Variants in SLC8A3 observed in about 807,000 individuals in gnomAD.
SLC8A3 encodes sodium/calcium exchanger 3.
Under a neutral mutation model 65.4 loss-of-function variants are expected in SLC8A3, and 37 were observed. That is an observed-to-expected ratio of 0.57 (90% CI 0.44 to 0.74). SLC8A3 has a LOEUF of 0.74. Ranked by LOEUF, SLC8A3 falls within the 30% of genes least tolerant of loss-of-function variation. The pLI is 0.00. For missense variants in SLC8A3, 1,112 were observed against 1,172.1 expected, an observed-to-expected ratio of 0.95 and a Z score of 0.75; for synonymous variants, 461 against 444.5, an observed-to-expected ratio of 1.04 and a Z score of -0.47.
chr14:70,117,771 T>C (rs1249883541), intron 2 of SLC8A3, among the ~76,000 whole-genome samples: 2 of 152,084 alleles, frequency 1.3e-5, no homozygotes, highest in Non-Finnish European at 2.9e-5. Flanking sequence ...CCACCTCCTT[T>C]AGGGAGCTCT....
chr14:70,092,253 C>G (rs1891851777), intron 2 of SLC8A3, among the ~76,000 whole-genome samples: 1 of 152,152 alleles, frequency 6.6e-6, no homozygotes, highest in Non-Finnish European at 1.5e-5. Context: ...TGCACTTCCT[C>G]CCTTGTATAC....
intron 2 of SLC8A3, among the ~76,000 whole-genome samples, chr14:70,165,264 C>G (rs568615896): frequency 6.6e-6 from 1 of 152,162 alleles, no homozygotes; most frequent in Non-Finnish European, 1.5e-5. Flanking sequence ...TGCAGGATCC[C>G]CCGGGTCACT....
rs1212875899 is a variant in SLC8A3, at chr14:70,159,415, A to G, written c.1784+7224T>C. On this transcript the variant is annotated intron_variant, in intron 2 of 6. Coordinates refer to ENST00000356921, the MANE Select transcript of SLC8A3 (RefSeq NM_182932.3). ...GCAACAGAGCAAGACTCTGTCAAAA[A>G]AAAAAAAAACAAAAAAAACCCAAAC... is the stretch of plus-strand genomic sequence containing the variant. Among the ~76,000 whole-genome samples, 763 of 151,420 alleles carry G rather than the reference A, an allele frequency of 5.0e-3. 7 individuals carry two copies. Among genetic ancestry groups the G allele is most frequent in the African/African-American group, 0.017 (719 of 41,104 alleles).
chr14:70,128,955 A>G lies in SLC8A3; in HGVS notation c.1784+37684T>C, dbSNP rs554299689. Among the ~76,000 whole-genome samples, 12 of 152,348 alleles carry G rather than the reference A, an allele frequency of 7.9e-5. No homozygotes were observed. In the East Asian group the frequency reaches 1.9e-3, roughly 24 times the overall value. ...CCTCTGTTGTAGTTATGGGTATGAT[A>G]GCTGTTGTGGTGATAGCAGCAGGTA... On this transcript the variant is annotated intron_variant, in intron 2 of 6. Transcript: ENST00000356921.
chr14:70,187,708 T>C (rs1445888494), intron 1 of SLC8A3, among the ~76,000 whole-genome samples: 1 of 150,884 alleles, frequency 6.6e-6, no homozygotes, highest in Admixed American at 6.6e-5. Context: ...CTCCACCGAG[T>C]CCCGGATCAC....
chr14:70,064,056 A>G, intron 2 of SLC8A3: 1 of 608,672 alleles, frequency 1.6e-6, no homozygotes, highest in Non-Finnish European at 2.9e-6. Context: ...CCCCAACACC[A>G]CAGGGGCACG....
intron 2 of SLC8A3, among the ~76,000 whole-genome samples, chr14:70,064,402 C>T (rs1022861436): frequency 7.3e-5 from 11 of 151,712 alleles, no homozygotes; most frequent in African/African-American, 1.5e-4. Context: ...AATCAGCTGA[C>T]GTTGATCCAA....
chr14:70,052,304 T>C (rs1887601158), intron 3 of SLC8A3, among the ~76,000 whole-genome samples, 190 bp from the exon 4 acceptor site: 1 of 152,234 alleles, frequency 6.6e-6, no homozygotes, highest in African/African-American at 2.4e-5. Context: ...GAATGTGCCT[T>C]GCAGACTGGG....
chr14:70,099,465 T>C (rs377254739), intron 2 of SLC8A3, among the ~76,000 whole-genome samples: 4 of 152,206 alleles, frequency 2.6e-5, no homozygotes, highest in Admixed American at 2.6e-4. Context: ...ACTAGCATAA[T>C]GACTGTAAAG....
At chr14:70,165,721 G>A (rs1897127065) in intron 2 of SLC8A3, among the ~76,000 whole-genome samples, 2 of 152,214 alleles carry the variant, frequency 1.3e-5, no homozygotes, top group African/African-American at 4.8e-5. Context: ...GGTTCAATGG[G>A]CAGAGGCCTT....
chr14:70,127,567 C>T (rs1894551042), intron 2 of SLC8A3, among the ~76,000 whole-genome samples: 1 of 152,136 alleles, frequency 6.6e-6, no homozygotes, highest in African/African-American at 2.4e-5. Context: ...GGACCAGCAC[C>T]AGAAAGTGTT....
At chr14:70,139,422 T>C (rs1004295380) in intron 2 of SLC8A3, among the ~76,000 whole-genome samples, 1 of 152,196 alleles carries the variant, frequency 6.6e-6, no homozygotes. Flanking sequence ...GAGCAGAGCA[T>C]TGAGTTCTTA....
intron 2 of SLC8A3, among the ~76,000 whole-genome samples, chr14:70,075,735 T>C (rs1292220396): frequency 6.6e-5 from 10 of 152,202 alleles, no homozygotes; most frequent in Non-Finnish European, 1.5e-4. Context: ...TAAAAACAAT[T>C]TTTTAAAGAA....
intron 3 of SLC8A3, 159 bp downstream of exon 3, chr14:70,060,677 G>T: frequency 1.3e-6 from 1 of 754,732 alleles, no homozygotes; most frequent in Non-Finnish European, 2.4e-6. Context: ...GGAGGGAAAA[G>T]AATAAAAAAA....
Position 70,080,229 on chromosome 14 carries a change from C to A in SLC8A3, c.1785-19290G>T, listed in dbSNP as rs548250045. ...CTCAGACTATATTTAGATGCCTTAG[C>A]GCTTTCATTTTTTTATACCACTGTG... On this transcript the variant is annotated intron_variant, in intron 2 of 6. Coordinates refer to ENST00000356921, the MANE Select transcript of SLC8A3 (RefSeq NM_182932.3). The A allele has an allele frequency of 7.1e-6, 7 of 985,188 alleles. No individual in the cohort carries two copies. In the African/African-American group the frequency reaches 1.2e-4, roughly 17 times the overall value. 61.0% of individuals were successfully genotyped at this position (985,188 alleles called of 1,614,324 possible).
At chr14:70,126,562 T>A (rs5029832) in intron 2 of SLC8A3, among the ~76,000 whole-genome samples, 1,520 of 103,456 alleles carry the variant, frequency 0.015, 10 homozygotes, top group Non-Finnish European at 0.022. Flanking sequence ...TCTCTCTCTC[T>A]CTCTCTCTCA....
At chr14:70,122,704 C>T (rs1242937928) in intron 2 of SLC8A3, among the ~76,000 whole-genome samples, 1 of 152,054 alleles carries the variant, frequency 6.6e-6, no homozygotes, top group Non-Finnish European at 1.5e-5. Context: ...AACAAAAAAA[C>T]GTTCAGAGTA....
intron 2 of SLC8A3, among the ~76,000 whole-genome samples, chr14:70,082,347 G>A (rs143739304): frequency 3.5e-4 from 54 of 152,300 alleles, no homozygotes; most frequent in African/African-American, 1.1e-3. Flanking sequence ...GTGAAGGAAC[G>A]TCTCCAAGGG....
rs1184765059 is a variant in SLC8A3, at chr14:70,123,529, A to C, written c.1784+43110T>G. On this transcript the variant is annotated intron_variant, in intron 2 of 6. Transcript: ENST00000356921. The stretch of plus-strand genomic sequence containing the variant: ...CAATGGTGCAATCTTGGCTCACTGC[A>C]ACCTCCACCTCCTGGGTTCAAGCAA... Among the ~76,000 whole-genome samples, 6 of 150,386 alleles carry C rather than the reference A, an allele frequency of 4.0e-5. No homozygotes were observed. The East Asian group carries it at 1.2e-3, about 30-fold the overall frequency.
Sources: gnomAD v4.1 joint callset for allele counts (sites outside exome capture counted in the v4.1 genomes callset) on GRCh38, gnomAD v4.1.1 for gene constraint, MANE v1.5 for transcripts, NCBI Gene and HGNC (gene_info 2026-07-23, HGNC 2026-07-21) for gene names.